Variants in HEATR5A observed in about 807,000 individuals in gnomAD.
HEATR5A encodes the protein HEAT repeat containing 5A, also known as HEAT repeat-containing protein 5A.
In HEATR5A, 178 loss-of-function variants were observed where a neutral mutation model predicts 218.8. That is an observed-to-expected ratio of 0.81 (90% CI 0.72 to 0.92). The LOEUF (loss-of-function observed/expected upper bound fraction) is 0.92, where lower values mean the gene tolerates loss of function less well. Among genes scored for constraint, HEATR5A ranks in the 40% least tolerant of loss-of-function variants. The pLI is 0.00. For synonymous variants in HEATR5A, 864 were observed against 871.6 expected, an observed-to-expected ratio of 0.99 and a Z score of 0.15; for missense variants, 2,420 against 2,418.9, an observed-to-expected ratio of 1.00 and a Z score of -0.01.
chr14:31,310,413 G>A (rs1899705798), intron 28 of HEATR5A, among the ~76,000 whole-genome samples: 1 of 152,172 alleles, frequency 6.6e-6, no homozygotes, highest in South Asian at 2.1e-4. Context: ...GCTGAGGCAG[G>A]CAGATCACCT....
At position 31,337,483 on chromosome 14, in the gene HEATR5A, CAA is replaced by C; in HGVS notation, c.3358_3359del (p.Leu1120AspfsTer5). On this transcript the variant is annotated frameshift_variant, in exon 22 of 36. Coordinates refer to ENST00000543095, the MANE Select transcript of HEATR5A (RefSeq NM_015473.4). LOFTEE classifies it high-confidence loss of function. ...CTTGATCAAGAGAATTACCTGGAGT[CAA>C]CTCTTCTCTGCTATCCTTAGCAAGC... is the stretch of plus-strand genomic sequence containing the variant. ...VMLAKDSREE[L>X]TPDANIREVG... 1 of 1,550,598 alleles carries C rather than the reference CAA, an allele frequency of 6.4e-7. No individual in the cohort carries two copies. The highest frequency in any genetic ancestry group is 1.7e-4 in the Middle Eastern group (1 of 5,988).
intron 6 of HEATR5A, 49 bp from the exon 7 acceptor site, chr14:31,389,054 A>C: frequency 2.7e-6 from 4 of 1,471,284 alleles, no homozygotes; most frequent in Non-Finnish European, 3.7e-6. Context: ...ACTAAATTTT[A>C]ATGTAAGTTC....
chr14:31,298,769 C>CT (rs1049643289), intron 33 of HEATR5A, among the ~76,000 whole-genome samples: 1 of 152,138 alleles, frequency 6.6e-6, no homozygotes, highest in African/African-American at 2.4e-5. Context: ...TGTCCACCTC[C>CT]TTTTTTTCCC....
At chr14:31,409,233 A>G (rs2031191659) in intron 1 of HEATR5A, among the ~76,000 whole-genome samples, 1 of 148,906 alleles carries the variant, frequency 6.7e-6, no homozygotes, top group African/African-American at 2.4e-5. Flanking sequence ...TTTTTAGTAG[A>G]GACAGGGTTT....
chr14:31,319,609 A>G (rs73257374), intron 25 of HEATR5A, among the ~76,000 whole-genome samples: 3,257 of 152,364 alleles, frequency 0.021, 91 homozygotes, highest in African/African-American at 0.068. Context: ...GCTTCTGAAT[A>G]ATAATGAGAG....
intron 32 of HEATR5A, among the ~76,000 whole-genome samples, chr14:31,304,384 G>A (rs1237453726): frequency 6.6e-6 from 1 of 152,076 alleles, no homozygotes; most frequent in African/African-American, 2.4e-5. Context: ...TCATAGAAGA[G>A]CATATCTATA....
chr14:31,382,284 CACCT>C (rs1458346903), intron 10 of HEATR5A, among the ~76,000 whole-genome samples: 1 of 152,150 alleles, frequency 6.6e-6, no homozygotes, highest in Non-Finnish European at 1.5e-5. Flanking sequence ...CCAAAGTTGT[CACCT>C]ACCTTATTTC....
chr14:31,317,081 C>T (rs1263276280), intron 26 of HEATR5A, among the ~76,000 whole-genome samples: 1 of 152,120 alleles, frequency 6.6e-6, no homozygotes, highest in Non-Finnish European at 1.5e-5. Context: ...AAGTGGCTTA[C>T]AGCAAGAACA....
chr14:31,368,457 A>G (rs934151893), intron 13 of HEATR5A, among the ~76,000 whole-genome samples: 1 of 152,234 alleles, frequency 6.6e-6, no homozygotes, highest in Non-Finnish European at 1.5e-5. Flanking sequence ...AATCGGTTCC[A>G]GATGACTTAA....
chr14:31,383,688 C>A lies in HEATR5A; in HGVS notation c.1429G>T (p.Ala477Ser), dbSNP rs762552005. The part of the protein sequence containing the change: ...LAAAWCLHCI[A>S]VALPSYLTPL... ...GTTAGGTAGGAGGGTAATGCCACGG[C>A]AATGCAGTGTAAACACCAAGCTGCT... is the stretch of plus-strand genomic sequence containing the variant. Residue 477 changes from alanine to serine, a missense_variant, in exon 10 of 36, where the codon GCC becomes TCC. Transcript: ENST00000543095. 1 of 1,613,840 alleles carries A rather than the reference C, an allele frequency of 6.2e-7. No homozygotes were observed. Among genetic ancestry groups the A allele is most frequent in the South Asian group, 1.1e-5 (1 of 91,080 alleles).
At chr14:31,302,170 G>A (rs1899405253) in intron 33 of HEATR5A, 125 bp downstream of exon 33, 2 of 686,898 alleles carry the variant, frequency 2.9e-6, no homozygotes, top group Non-Finnish European at 5.1e-6. Flanking sequence ...TAAACACATA[G>A]TATTGAATAT....
intron 14 of HEATR5A, among the ~76,000 whole-genome samples, chr14:31,361,329 A>G (rs894672794): frequency 6.6e-6 from 1 of 152,244 alleles, no homozygotes; most frequent in Non-Finnish European, 1.5e-5. Context: ...AGATAAAAAC[A>G]AAAGCACTAT....
intron 5 of HEATR5A, 42 bp downstream of exon 5, chr14:31,395,156 TC>T: frequency 7.4e-7 from 1 of 1,344,772 alleles, no homozygotes; most frequent in Non-Finnish European, 9.9e-7. Flanking sequence ...GATTTACTTT[TC>T]TTTATATTAA....
At chr14:31,380,399 T>G (rs2029932086) in intron 11 of HEATR5A, 68 bp downstream of exon 11, 1 of 960,370 alleles carries the variant, frequency 1.0e-6, no homozygotes, top group Non-Finnish European at 1.6e-6. Flanking sequence ...TCAAATCACA[T>G]ATAAGAATCA....
chr14:31,393,339 A>G (rs889115229), intron 6 of HEATR5A, among the ~76,000 whole-genome samples: 7 of 152,178 alleles, frequency 4.6e-5, no homozygotes, highest in African/African-American at 7.2e-5. Context: ...GTGAAATCCC[A>G]TCTCCACAAA....
intron 29 of HEATR5A, 86 bp downstream of exon 29, chr14:31,308,848 C>G: frequency 8.4e-7 from 1 of 1,187,512 alleles, no homozygotes; most frequent in East Asian, 2.6e-5. Context: ...GTACTCCAGC[C>G]TGGGTGAAAG....
At chr14:31,365,775 T>G (rs1901781012) in intron 13 of HEATR5A, among the ~76,000 whole-genome samples, 1 of 151,748 alleles carries the variant, frequency 6.6e-6, no homozygotes, top group South Asian at 2.1e-4. Flanking sequence ...AGTGATCCTC[T>G]CACCTTAGCC....
At chr14:31,332,304 A>G (rs1900499790) in intron 22 of HEATR5A, among the ~76,000 whole-genome samples, 1 of 152,214 alleles carries the variant, frequency 6.6e-6, no homozygotes, top group Admixed American at 6.5e-5. Context: ...ATAAATGTTG[A>G]GTGTGTTCTG....
intron 33 of HEATR5A, among the ~76,000 whole-genome samples, chr14:31,299,677 C>T (rs1018724201): frequency 2.8e-4 from 42 of 150,290 alleles, no homozygotes; most frequent in Admixed American, 1.3e-4. Flanking sequence ...GAGCCAAGAT[C>T]GCGCCATTGC....
Sources: allele counts gnomAD v4.1 joint callset (sites outside exome capture counted in the v4.1 genomes callset), GRCh38; gene constraint gnomAD v4.1.1; transcripts MANE v1.5; gene names NCBI Gene and HGNC (gene_info 2026-07-23, HGNC 2026-07-21).